TMEM266: variants seen among roughly 807,000 people sequenced by gnomAD.
TMEM266 encodes the protein Hv1 related protein 1.
Under a neutral mutation model 50.5 loss-of-function variants are expected in TMEM266, and 33 were observed. The observed-to-expected ratio is 0.65, with a 90% confidence interval of 0.50 to 0.87. TMEM266 has a LOEUF of 0.87. TMEM266 is among the 40% of genes least tolerant of loss of function. The probability of loss-of-function intolerance (pLI) is 0.00; values close to 1 mark genes in which losing one functional copy is unlikely to be tolerated. For synonymous variants in TMEM266, 310 were observed against 292.3 expected, an observed-to-expected ratio of 1.06 and a Z score of -0.62; for missense variants, 655 against 695.1, an observed-to-expected ratio of 0.94 and a Z score of 0.65.
chr15:76,127,339 T>A (rs1596121367), intron 1 of TMEM266, among the ~76,000 whole-genome samples: 2 of 150,866 alleles, frequency 1.3e-5, no homozygotes, highest in Admixed American at 1.3e-4. Context: ...TTTTTTTTTT[T>A]AATTTAAGAC....
chr15:76,148,478 AG>A (rs1052288621), intron 3 of TMEM266, among the ~76,000 whole-genome samples: 1 of 152,182 alleles, frequency 6.6e-6, no homozygotes, highest in African/African-American at 2.4e-5. Context: ...TGAGGACTTC[AG>A]GGTGGCGGGG....
At position 76,071,074 on chromosome 15, in the gene TMEM266, A is replaced by G. The variant is rs77634793; in HGVS notation, c.-97+11058A>G. Among the ~76,000 whole-genome samples, 1,365 of 152,246 alleles carry G rather than the reference A, an allele frequency of 9.0e-3. 15 individuals carry two copies. The highest frequency in any genetic ancestry group is 0.031 in the African/African-American group (1,291 of 41,522). ...CTTAGGCTCCTTGACGTTCTATATG[A>G]TAAAGGGGGTTGTCTTGGGAGGCAG... On this transcript the variant is annotated intron_variant, in intron 1 of 10. Coordinates refer to ENST00000388942, the MANE Select transcript of TMEM266 (RefSeq NM_152335.3).
intron 8 of TMEM266, among the ~76,000 whole-genome samples, chr15:76,189,251 G>GGGAA (rs931788489): frequency 1.3e-5 from 2 of 150,494 alleles, no homozygotes; most frequent in African/African-American, 4.9e-5. Flanking sequence ...AAGGGAAGGA[G>GGGAA]GGAAGTAAGG....
intron 1 of TMEM266, among the ~76,000 whole-genome samples, chr15:76,117,041 A>G (rs2142016102): frequency 6.6e-6 from 1 of 152,062 alleles, no homozygotes; most frequent in South Asian, 2.1e-4. Flanking sequence ...CTGGGATTAC[A>G]GGCATGTGCC....
chr15:76,198,075 G>T (rs768847028), intron 9 of TMEM266, among the ~76,000 whole-genome samples: 4 of 152,200 alleles, frequency 2.6e-5, no homozygotes, highest in Non-Finnish European at 4.4e-5. Context: ...GGTTCAGGGA[G>T]GCAAGGGATG....
chr15:76,115,779 T>C (rs1567156264), intron 1 of TMEM266, among the ~76,000 whole-genome samples: 1 of 152,198 alleles, frequency 6.6e-6, no homozygotes, highest in Non-Finnish European at 1.5e-5. Flanking sequence ...TCATTCAATA[T>C]GTATCCCTTC....
rs143677620 is a variant in TMEM266, at chr15:76,128,946, A to G, written c.-96-5222A>G. Among the ~76,000 whole-genome samples the G allele has an allele frequency of 2.6e-5, 4 of 152,346 alleles. No homozygotes were observed. In the East Asian group the frequency reaches 5.8e-4, roughly 22 times the overall value. ...CTGCTTAAACAACCATAAGCACCTC[A>G]CTGATCATTTTGGAAGATACCAAGA... On this transcript the variant is annotated intron_variant, in intron 1 of 10. Coordinates refer to ENST00000388942, the MANE Select transcript of TMEM266 (RefSeq NM_152335.3).
chr15:76,108,688 C>A (rs1362362111), intron 1 of TMEM266, among the ~76,000 whole-genome samples: 1 of 152,164 alleles, frequency 6.6e-6, no homozygotes, highest in Non-Finnish European at 1.5e-5. Flanking sequence ...AGAGAGGTAG[C>A]TAGACAGGGT....
intron 1 of TMEM266, among the ~76,000 whole-genome samples, chr15:76,063,935 G>A (rs1052646872): frequency 1.6e-4 from 24 of 152,164 alleles, no homozygotes; most frequent in African/African-American, 5.5e-4. Context: ...CTCTTGAGCC[G>A]GTGTTGGGAA....
chr15:76,125,976 G>T (rs566942124), intron 1 of TMEM266, among the ~76,000 whole-genome samples: 1 of 152,124 alleles, frequency 6.6e-6, no homozygotes, highest in South Asian at 2.1e-4. Context: ...CAATCATCAG[G>T]GGAATGCAAA....
intron 9 of TMEM266, among the ~76,000 whole-genome samples, chr15:76,192,593 C>G (rs2038596511): frequency 6.6e-6 from 1 of 152,216 alleles, no homozygotes. Flanking sequence ...CTACCACCTA[C>G]TGGGGCCCAA....
At chr15:76,158,179 G>T (rs922772876) in intron 4 of TMEM266, among the ~76,000 whole-genome samples, 2 of 152,118 alleles carry the variant, frequency 1.3e-5, no homozygotes, top group African/African-American at 4.8e-5. Context: ...TGAACTCAGG[G>T]TCTGTCCAAG....
At chr15:76,201,514 A>G (rs948602471) in intron 9 of TMEM266, among the ~76,000 whole-genome samples, 6 of 152,016 alleles carry the variant, frequency 3.9e-5, no homozygotes, top group African/African-American at 1.4e-4. Flanking sequence ...AGTAGTTGGG[A>G]CCACAGGTGT....
chr15:76,137,929 TC>T, intron 3 of TMEM266, 34 bp downstream of exon 3: 1 of 1,525,576 alleles, frequency 6.6e-7, no homozygotes, highest in South Asian at 1.3e-5. Context: ...AGCTAAGAAG[TC>T]CCTGGGTTAG....
At chr15:76,083,414 C>T (rs373545268) in intron 1 of TMEM266, among the ~76,000 whole-genome samples, 46 of 152,050 alleles carry the variant, frequency 3.0e-4, no homozygotes, top group Admixed American at 2.6e-3. Flanking sequence ...GCCTGACACT[C>T]GTCCCTCAGG....
chr15:76,169,672 C>T, intron 5 of TMEM266, 144 bp from the exon 6 acceptor site: 1 of 924,388 alleles, frequency 1.1e-6, no homozygotes, highest in Non-Finnish European at 1.7e-6. Context: ...GGAGAGGGCA[C>T]AGGGGCCAAG....
chr15:76,127,060 C>T (rs933640641), intron 1 of TMEM266, among the ~76,000 whole-genome samples: 1 of 152,034 alleles, frequency 6.6e-6, no homozygotes, highest in East Asian at 1.9e-4. Context: ...TGGTCAATAA[C>T]AACATATTGT....
intron 3 of TMEM266, among the ~76,000 whole-genome samples, chr15:76,150,002 C>T (rs1309648784): frequency 6.6e-6 from 1 of 152,180 alleles, no homozygotes; most frequent in East Asian, 1.9e-4. Context: ...AGCTGTGACA[C>T]CCAGGACACA....
At chr15:76,159,871 C>G (rs1018131415) in intron 4 of TMEM266, among the ~76,000 whole-genome samples, 1 of 151,958 alleles carries the variant, frequency 6.6e-6, no homozygotes, top group African/African-American at 2.4e-5. Context: ...TCCCTTGCGT[C>G]GGAGGCAAGA....
Sources: gnomAD v4.1 joint callset for allele counts (sites outside exome capture counted in the v4.1 genomes callset) on GRCh38, gnomAD v4.1.1 for gene constraint, MANE v1.5 for transcripts, NCBI Gene and HGNC (gene_info 2026-07-23, HGNC 2026-07-21) for gene names.